Variants in DIP2A observed in about 807,000 individuals in gnomAD.
DIP2A encodes disco-interacting protein 2 homolog A.
A neutral mutation model predicts 177.4 loss-of-function variants in DIP2A; 85 were observed. That is an observed-to-expected ratio of 0.48 (90% CI 0.40 to 0.57). The LOEUF is 0.57. Among genes scored for constraint, DIP2A ranks in the 20% least tolerant of loss-of-function variants. The probability of loss-of-function intolerance (pLI) is 0.00; values close to 1 mark genes in which losing one functional copy is unlikely to be tolerated. For synonymous variants in DIP2A, 886 were observed against 881.8 expected (o/e 1.00, Z -0.08); for missense variants, 1,791 against 2,100.2 (o/e 0.85, Z 2.88).
chr21:46,541,963 G>C (rs907582931), intron 18 of DIP2A, 68 bp downstream of exon 18: 1 of 1,594,256 alleles, frequency 6.3e-7, no homozygotes, highest in Non-Finnish European at 8.6e-7. Context: ...GTTTTGTTTT[G>C]TTTTGAGACG....
rs372410977 is a variant in DIP2A, at chr21:46,489,447, C to T, written c.164-1153C>T. Among the ~76,000 whole-genome samples the T allele has an allele frequency of 1.4e-4, 22 of 152,330 alleles. No individual in the cohort carries two copies. The East Asian group carries it at 2.1e-3, about 15-fold the overall frequency. ...CCGAGCACCTGGCTCCCCACCCCTG[C>T]CTGTGTCTCCCTCTGTCCTCATGTG... On this transcript the variant is annotated intron_variant, in intron 2 of 37. Coordinates refer to ENST00000417564, the MANE Select transcript of DIP2A (RefSeq NM_015151.4).
chr21:46,526,143 C>G (rs2059078223), intron 8 of DIP2A, among the ~76,000 whole-genome samples: 1 of 151,868 alleles, frequency 6.6e-6, no homozygotes, highest in Admixed American at 6.6e-5. Context: ...CTCCAGACCT[C>G]AGGTGATCCA....
At chr21:46,489,759 T>C (rs1379214095) in intron 2 of DIP2A, among the ~76,000 whole-genome samples, 1 of 152,242 alleles carries the variant, frequency 6.6e-6, no homozygotes, top group East Asian at 1.9e-4. Flanking sequence ...ATATTTTTGT[T>C]GAAGCACAGC....
intron 13 of DIP2A, among the ~76,000 whole-genome samples, chr21:46,536,397 C>T (rs1212706271): frequency 6.6e-6 from 1 of 152,176 alleles, no homozygotes; most frequent in Non-Finnish European, 1.5e-5. Context: ...TAGCTGCATA[C>T]CTCTGGGTGA....
Position 46,519,121 on chromosome 21 carries a change from T to C in DIP2A, c.1102+7507T>C, listed in dbSNP as rs539793870. On this transcript the variant is annotated intron_variant, in intron 8 of 37. Transcript: ENST00000417564. ...TTGCCATGGCTGCTGTAAACTGTCA[T>C]GGCACTGGTGGGAGTGTCTTTTAGC... 2.7e-4 allele frequency among the ~76,000 whole-genome samples: 41 copies of C among 152,334 alleles called. 2 individuals are homozygous for C. The South Asian group carries it at 7.7e-3, about 28-fold the overall frequency.
chr21:46,576,356 T>C, the DIP2A span, among the ~76,000 whole-genome samples: 1 of 152,250 alleles, frequency 6.6e-6, no homozygotes, highest in East Asian at 1.9e-4. Flanking sequence ...CTCCCACTTA[T>C]AAGTGAGAAC....
At chr21:46,561,194 C>G (rs2060651328) in intron 33 of DIP2A, 1 of 326,696 alleles carries the variant, frequency 3.1e-6, no homozygotes, top group Non-Finnish European at 5.1e-6. Flanking sequence ...TACCCGATGA[C>G]CCATGTGACA....
At chr21:46,508,483 C>A (rs1036348393) in intron 6 of DIP2A, among the ~76,000 whole-genome samples, 5 of 151,146 alleles carry the variant, frequency 3.3e-5, no homozygotes, top group African/African-American at 1.2e-4. Context: ...CTCAGCCTCC[C>A]GAGTAGCTGG....
intron 9 of DIP2A, among the ~76,000 whole-genome samples, chr21:46,530,728 G>C (rs2059321395): frequency 6.6e-6 from 1 of 152,180 alleles, no homozygotes; most frequent in African/African-American, 2.4e-5. Flanking sequence ...GACCTGGAGA[G>C]TGTAAACATT....
chr21:46,488,165 AG>A lies in DIP2A; in HGVS notation c.164-2432del, dbSNP rs2056801087. 4.6e-5 allele frequency among the ~76,000 whole-genome samples: 7 copies of A among 152,320 alleles called. No homozygotes were observed. The South Asian group carries it at 1.2e-3, about 27-fold the overall frequency. On this transcript the variant is annotated intron_variant, in intron 2 of 37. Transcript: ENST00000417564. ...TGATTTGAGAGGATATGAAGGAGGA[AG>A]GGTTAATTTAATAGCTGGTACTATC...
intron 8 of DIP2A, among the ~76,000 whole-genome samples, chr21:46,514,642 G>GTTTTTTTTTTTTTT (rs1159261551): frequency 7.4e-5 from 5 of 67,786 alleles, no homozygotes; most frequent in East Asian, 6.3e-4. Context: ...TTTTTTTTTG[G>GTTTTTTTTTTTTTT]TTTTTTTTTT....
At position 46,498,673 on chromosome 21, in the gene DIP2A, C is replaced by A; in HGVS notation, c.495C>A (p.Pro165=). Residue 165 remains proline, a synonymous_variant, in exon 5 of 38, where the codon CCC becomes CCA. Transcript: ENST00000417564. The surrounding 1 kb of genome is among the most constrained non-coding windows in gnomAD (Gnocchi z 4.3). Reference sequence around the variant, plus strand: ...TCCAGAGCCATTCCAGCGTCGAGCCCTGGCTCGACCGGGTCATTCAGGGCT... The same window carrying A: ...TCCAGAGCCATTCCAGCGTCGAGCCATGGCTCGACCGGGTCATTCAGGGCT... ...TPLQSHSSVE[P]WLDRVIQGSS... is the part of the protein sequence containing the mutation. The A allele has an allele frequency of 6.2e-7, 1 of 1,613,828 alleles. No homozygotes were observed. Among genetic ancestry groups the A allele is most frequent in the Non-Finnish European group, 8.5e-7 (1 of 1,179,888 alleles).
At chr21:46,541,201 T>C (rs549250491) in intron 17 of DIP2A, among the ~76,000 whole-genome samples, 1 of 152,310 alleles carries the variant, frequency 6.6e-6, no homozygotes, top group South Asian at 2.1e-4. Context: ...ACTATTGTTG[T>C]ATCACAAACA....
Position 46,555,964 on chromosome 21 carries a change from G to A in DIP2A, c.3389-18G>A. On this transcript the variant is annotated intron_variant, in intron 28 of 37. Transcript: ENST00000417564. ...ACATGTGGGAACACTAATGTTGCTG[G>A]TGTCTCCTGTTTAACAGATGACATC... The A allele has an allele frequency of 1.3e-6, 2 of 1,560,624 alleles. No homozygotes were observed. Among genetic ancestry groups the A allele is most frequent in the African/African-American group, 1.4e-5 (1 of 73,936 alleles).
At position 46,542,950 on chromosome 21, in the gene DIP2A, C is replaced by T. The variant is rs2059878686; in HGVS notation, c.2176+1055C>T. Among the ~76,000 whole-genome samples, 3 of 152,222 alleles carry T rather than the reference C, an allele frequency of 2.0e-5. No individual in the cohort carries two copies. In the South Asian group the frequency reaches 6.2e-4, roughly 31 times the overall value. ...CCCTGTCTGTGGGTGGTGCTGGCAG[C>T]CCAGCCATCTCTAACCTGGAGCCTG... On this transcript the variant is annotated intron_variant, in intron 18 of 37. Coordinates refer to ENST00000417564, the MANE Select transcript of DIP2A (RefSeq NM_015151.4).
At chr21:46,523,667 G>C (rs2058934231) in intron 8 of DIP2A, among the ~76,000 whole-genome samples, 1 of 150,998 alleles carries the variant, frequency 6.6e-6, no homozygotes, top group Non-Finnish European at 1.5e-5. Context: ...TACAGTATTG[G>C]GCACTTGGAC....
intron 1 of DIP2A, among the ~76,000 whole-genome samples, chr21:46,464,815 G>GTTTTTTTTTTTT (rs1568894284): frequency 4.7e-5 from 2 of 42,958 alleles, no homozygotes; most frequent in African/African-American, 1.0e-4. Context: ...TAATATTCAT[G>GTTTTTTTTTTTT]TCTTTTTTTT....
chr21:46,468,169 G>A lies in DIP2A; in HGVS notation c.91+8947G>A, dbSNP rs528767860. Among the ~76,000 whole-genome samples, 6 of 151,628 alleles carry A rather than the reference G, an allele frequency of 4.0e-5. No individual in the cohort carries two copies. In the East Asian group the frequency reaches 1.2e-3, roughly 30 times the overall value. ...TAATCCCAGCTACTCGGGAGACTGA[G>A]GCAGGAGAATCTCTTGAACCCAGGA... On this transcript the variant is annotated intron_variant, in intron 1 of 37. Transcript: ENST00000417564.
At position 46,567,754 on chromosome 21, in the gene DIP2A, C is replaced by A; in HGVS notation, c.*132C>A. 2 of 1,049,094 alleles carry A rather than the reference C, an allele frequency of 1.9e-6. No individual in the cohort carries two copies. Among genetic ancestry groups the A allele is most frequent in the Non-Finnish European group, 2.6e-6 (2 of 763,206 alleles). 65.0% of individuals were successfully genotyped at this position (1,049,094 alleles called of 1,614,324 possible). On this transcript the variant is annotated 3_prime_UTR_variant, in exon 38 of 38. Transcript: ENST00000417564. ...GCTCTTACAGATCCCTCTCAACAAT[C>A]CCCGCATCTCCTTTTAGAAAGCACT...
Sources: allele counts gnomAD v4.1 joint callset (sites outside exome capture counted in the v4.1 genomes callset), GRCh38; gene constraint gnomAD v4.1.1; non-coding constraint Gnocchi (gnomAD v3.1); transcripts MANE v1.5; gene names NCBI Gene and HGNC (gene_info 2026-07-23, HGNC 2026-07-21).